FRMD4A: variants seen among roughly 807,000 people sequenced by gnomAD.
FRMD4A encodes FERM domain-containing protein 4A.
Under a neutral mutation model 129.1 loss-of-function variants are expected in FRMD4A, and 29 were observed. That is an observed-to-expected ratio of 0.22 (90% CI 0.17 to 0.31). The LOEUF is 0.31. FRMD4A is among the 10% of genes least tolerant of loss of function. The pLI is 1.00. For missense variants in FRMD4A, 1,272 were observed against 1,375.8 expected (o/e 0.92, Z 1.19); for synonymous variants, 634 against 571.6 (o/e 1.11, Z -1.56).
chr10:13,878,856 C>T (rs2094518109), intron 2 of FRMD4A, among the ~76,000 whole-genome samples: 2 of 75,614 alleles, frequency 2.6e-5, no homozygotes, highest in South Asian at 7.4e-4. Context: ...AGGAAGGAAC[C>T]TGGAAATGAG....
chr10:13,767,173 C>T (rs1317640852), intron 6 of FRMD4A, among the ~76,000 whole-genome samples: 2 of 152,170 alleles, frequency 1.3e-5, no homozygotes, highest in Admixed American at 6.5e-5. Context: ...AATGTGCTCC[C>T]ATATGACATT....
At chr10:13,746,020 G>A (rs1482533289) in intron 9 of FRMD4A, among the ~76,000 whole-genome samples, 2 of 152,124 alleles carry the variant, frequency 1.3e-5, no homozygotes, top group African/African-American at 2.4e-5. Context: ...CTCTTTGGGG[G>A]CAGGTTATAA....
rs761515662 is a variant in FRMD4A, at chr10:14,302,580, AG to A, written c.45+27477del. On this transcript the variant is annotated intron_variant, in intron 2 of 24. Coordinates refer to ENST00000357447, the MANE Select transcript of FRMD4A (RefSeq NM_018027.5). ...AACAGGTTTTTATGAGGATTAAATC[AG>A]CTAACACACACGGACTTCTTAGAAT... Among the ~76,000 whole-genome samples the A allele has an allele frequency of 2.2e-4, 34 of 152,358 alleles. No homozygotes were observed. The South Asian group carries it at 2.3e-3, about 10-fold the overall frequency.
At chr10:14,064,315 T>C (rs7079799) in intron 2 of FRMD4A, among the ~76,000 whole-genome samples, 26,317 of 152,282 alleles carry the variant, frequency 0.17, 2,894 homozygotes, top group East Asian at 0.42. Flanking sequence ...TTTCCTTCTG[T>C]AGTGCTTTTA....
chr10:14,249,350 T>TCAAAAAAAAAAAAAAA (rs1564416620), intron 2 of FRMD4A, among the ~76,000 whole-genome samples: 14 of 121,422 alleles, frequency 1.2e-4, no homozygotes, highest in African/African-American at 3.9e-4. Flanking sequence ...AGAATCTGTC[T>TCAAAAAAAAAAAAAAA]TAAAAAAAAA....
intron 2 of FRMD4A, among the ~76,000 whole-genome samples, chr10:14,104,271 C>T (rs116744323): frequency 0.011 from 1,613 of 152,016 alleles, 21 homozygotes; most frequent in African/African-American, 0.036. Context: ...GGTTACACCG[C>T]CATTGAGGTC....
chr10:13,703,603 C>T (rs752916690), intron 13 of FRMD4A, among the ~76,000 whole-genome samples: 16 of 152,168 alleles, frequency 1.1e-4, no homozygotes, highest in Non-Finnish European at 2.1e-4. Context: ...GGGCTGAGCC[C>T]GGAACACCAA....
At position 14,127,622 on chromosome 10, in the gene FRMD4A, G is replaced by A. The variant is rs61835758; in HGVS notation, c.45+202436C>T. Among the ~76,000 whole-genome samples, 27 of 152,270 alleles carry A rather than the reference G, an allele frequency of 1.8e-4. 1 individual carries two copies. The highest frequency in any genetic ancestry group is 1.5e-3 in the East Asian group (8 of 5,188). On this transcript the variant is annotated intron_variant, in intron 2 of 24. Transcript: ENST00000357447. ...ATAATGATAGTGTCTGCCTGTGCCCGTAAGACCCTTCACTGTGGGAATGGC... is the reference window on the plus strand; with the variant it reads ...ATAATGATAGTGTCTGCCTGTGCCCATAAGACCCTTCACTGTGGGAATGGC...
chr10:14,148,243 T>G (rs1477417634), intron 2 of FRMD4A, among the ~76,000 whole-genome samples: 1 of 152,198 alleles, frequency 6.6e-6, no homozygotes, highest in Non-Finnish European at 1.5e-5. Flanking sequence ...GTGTTTTAAT[T>G]ATCCCCCTTT....
chr10:13,769,362 G>T (rs2092387650), intron 6 of FRMD4A, among the ~76,000 whole-genome samples: 1 of 152,010 alleles, frequency 6.6e-6, no homozygotes, highest in African/African-American at 2.4e-5. Flanking sequence ...AGGCTGGAGT[G>T]CAGTGACACC....
rs1003445124 is a variant in FRMD4A at position 14,134,616 on chromosome 10, G to C, written c.45+195442C>G. Among the ~76,000 whole-genome samples, 37 of 149,416 alleles carry C rather than the reference G, an allele frequency of 2.5e-4. 1 individual carries two copies. Among genetic ancestry groups the C allele is most frequent in the Admixed American group, 2.5e-3 (37 of 15,028 alleles). On this transcript the variant is annotated intron_variant, in intron 2 of 24. Coordinates refer to ENST00000357447, the MANE Select transcript of FRMD4A (RefSeq NM_018027.5). Reference sequence around the variant, plus strand: ...GATGGGTAGATGGATGGATAAATGAGGGATGGATGAATGGGTGAATGGGTG... The same window carrying C: ...GATGGGTAGATGGATGGATAAATGACGGATGGATGAATGGGTGAATGGGTG...
intron 2 of FRMD4A, among the ~76,000 whole-genome samples, chr10:13,963,601 T>C (rs932476281): frequency 1.3e-5 from 2 of 152,236 alleles, no homozygotes. Context: ...GGATCATTGA[T>C]GTCACTATAA....
chr10:14,116,536 T>G (rs1733756648), intron 2 of FRMD4A, among the ~76,000 whole-genome samples: 1 of 152,156 alleles, frequency 6.6e-6, no homozygotes, highest in Non-Finnish European at 1.5e-5. Context: ...TGAAAAAGGC[T>G]TGACAGCTGA....
At chr10:13,741,586 G>A (rs1206415070) in intron 9 of FRMD4A, among the ~76,000 whole-genome samples, 1 of 152,150 alleles carries the variant, frequency 6.6e-6, no homozygotes, top group African/African-American at 2.4e-5. Context: ...AGCTCCCTGG[G>A]GCCCTTCTTA....
chr10:14,234,162 T>A (rs1017855543), intron 2 of FRMD4A, among the ~76,000 whole-genome samples: 12 of 152,018 alleles, frequency 7.9e-5, no homozygotes, highest in Middle Eastern at 3.2e-3. Context: ...TGACATAGCA[T>A]CTGTGAAGAT....
rs78089563 is a variant in FRMD4A at position 14,053,641 on chromosome 10, T to C, written c.46-194729A>G. Among the ~76,000 whole-genome samples, 1,334 of 152,296 alleles carry C rather than the reference T, an allele frequency of 8.8e-3. 67 individuals carry two copies. In the East Asian group the frequency reaches 0.13, roughly 15 times the overall value. On this transcript the variant is annotated intron_variant, in intron 2 of 24. Transcript: ENST00000357447. ...TTAGTTATTAATTTTTCACCCCTATTGCCTAGTAGCTGCCCATCTTTGACT... is the reference window on the plus strand; with the variant it reads ...TTAGTTATTAATTTTTCACCCCTATCGCCTAGTAGCTGCCCATCTTTGACT...
intron 2 of FRMD4A, among the ~76,000 whole-genome samples, chr10:14,240,607 C>T (rs2132003706): frequency 6.6e-6 from 1 of 152,252 alleles, no homozygotes; most frequent in Admixed American, 6.5e-5. Flanking sequence ...TCCACATGCC[C>T]ATTATAACTT....
At chr10:14,227,243 CTTTT>C (rs10674411) in intron 2 of FRMD4A, among the ~76,000 whole-genome samples, 140 of 64,110 alleles carry the variant, frequency 2.2e-3, no homozygotes, top group South Asian at 0.015. Flanking sequence ...TCTTCTTCTT[CTTTT>C]TTTTTTTTTT....
chr10:13,774,762 C>G (rs1274382855), intron 6 of FRMD4A, among the ~76,000 whole-genome samples: 1 of 152,038 alleles, frequency 6.6e-6, no homozygotes, highest in Non-Finnish European at 1.5e-5. Flanking sequence ...CAGCAGACAA[C>G]TGAGGAAGCC....
Sources: gnomAD v4.1 joint callset for allele counts (sites outside exome capture counted in the v4.1 genomes callset) on GRCh38, gnomAD v4.1.1 for gene constraint, MANE v1.5 for transcripts, NCBI Gene and HGNC (gene_info 2026-07-23, HGNC 2026-07-21) for gene names.